PCNX2: variants seen among roughly 807,000 people sequenced by gnomAD.
PCNX2 encodes the protein pecanex 2.
A neutral mutation model predicts 223.8 loss-of-function variants in PCNX2; 168 were observed. The ratio of observed to expected loss-of-function variants is 0.75; its 90% CI spans 0.66 to 0.85. The LOEUF (loss-of-function observed/expected upper bound fraction) is 0.85. Ranked by LOEUF, PCNX2 falls within the 40% of genes least tolerant of loss-of-function variation. The pLI is 0.00. For synonymous variants in PCNX2, 1,006 were observed against 1,052.6 expected (o/e 0.96, Z 0.86); for missense variants, 2,507 against 2,675.5 (o/e 0.94, Z 1.39).
the PCNX2 span, among the ~76,000 whole-genome samples, chr1:233,314,465 A>G: frequency 6.6e-6 from 1 of 152,230 alleles, no homozygotes; most frequent in Non-Finnish European, 1.5e-5. Context: ...GAACACACAT[A>G]CAAGTTTTTC....
intron 28 of PCNX2, among the ~76,000 whole-genome samples, chr1:233,006,393 C>A (rs1670286522): frequency 6.6e-6 from 1 of 152,030 alleles, no homozygotes; most frequent in Non-Finnish European, 1.5e-5. Context: ...GGCCTCAGTG[C>A]AAAGCACAAT....
chr1:233,285,600 G>A (rs1317261068), intron 1 of PCNX2, among the ~76,000 whole-genome samples: 43 of 152,180 alleles, frequency 2.8e-4, no homozygotes, highest in Admixed American at 2.8e-3. Flanking sequence ...GCTTGAACCT[G>A]CGAGGCAGAG....
chr1:233,285,193 A>G (rs963832888), intron 1 of PCNX2: 3 of 168,652 alleles, frequency 1.8e-5, no homozygotes, highest in African/African-American at 7.2e-5. Context: ...TCTCTACAAA[A>G]AATAAGAAAT....
intron 25 of PCNX2, among the ~76,000 whole-genome samples, chr1:233,048,207 A>C (rs1671882975): frequency 6.6e-6 from 1 of 152,268 alleles, no homozygotes; most frequent in African/African-American, 2.4e-5. Context: ...CTGGAATCCC[A>C]GCACTTTGGG....
intron 21 of PCNX2, among the ~76,000 whole-genome samples, chr1:233,105,185 A>G (rs1316013409): frequency 6.6e-6 from 1 of 152,212 alleles, no homozygotes; most frequent in Non-Finnish European, 1.5e-5. Context: ...TTACAAAATG[A>G]ATCTATAAAT....
chr1:233,134,149 G>T (rs1046214300), intron 21 of PCNX2, among the ~76,000 whole-genome samples: 1 of 152,184 alleles, frequency 6.6e-6, no homozygotes, highest in African/African-American at 2.4e-5. Flanking sequence ...GTCTCCAGAA[G>T]AAACCCCGTG....
chr1:233,115,366 T>C (rs76357340), intron 21 of PCNX2, among the ~76,000 whole-genome samples: 4,844 of 151,908 alleles, frequency 0.032, 234 homozygotes, highest in African/African-American at 0.11. Flanking sequence ...CTACAAGACA[T>C]AAACCGTTTC....
chr1:233,264,838 G>A (rs1339438932), intron 1 of PCNX2, among the ~76,000 whole-genome samples: 1 of 152,116 alleles, frequency 6.6e-6, no homozygotes, highest in African/African-American at 2.4e-5. Context: ...ACTACTAATA[G>A]TTTTGGGTTT....
At chr1:233,211,378 T>G (rs1334693808) in intron 12 of PCNX2, among the ~76,000 whole-genome samples, 1 of 151,880 alleles carries the variant, frequency 6.6e-6, no homozygotes, top group Non-Finnish European at 1.5e-5. Flanking sequence ...TCACCCAGGC[T>G]AGAGTGCAGT....
intron 15 of PCNX2, among the ~76,000 whole-genome samples, chr1:233,188,024 G>A (rs572105579): frequency 5.3e-5 from 8 of 152,166 alleles, no homozygotes; most frequent in Non-Finnish European, 7.4e-5. Flanking sequence ...AATAGTTATC[G>A]TTGGTATTAG....
At chr1:233,154,001 A>G (rs1019815058) in intron 19 of PCNX2, among the ~76,000 whole-genome samples, 4 of 152,248 alleles carry the variant, frequency 2.6e-5, no homozygotes, top group African/African-American at 9.6e-5. Context: ...TTTGGGACCC[A>G]TTAGTGAATG....
intron 1 of PCNX2, among the ~76,000 whole-genome samples, chr1:233,266,655 C>G (rs780440431): frequency 1.6e-4 from 25 of 152,112 alleles, no homozygotes; most frequent in Non-Finnish European, 2.4e-4. Flanking sequence ...CTAAATTTTC[C>G]CCTTGATGTA....
intron 21 of PCNX2, among the ~76,000 whole-genome samples, chr1:233,117,694 C>T (rs1675496514): frequency 6.6e-6 from 1 of 150,484 alleles, no homozygotes; most frequent in African/African-American, 2.4e-5. Context: ...AAGATATTAA[C>T]AAATAGCATT....
chr1:233,116,627 A>G (rs1240379118), intron 21 of PCNX2, among the ~76,000 whole-genome samples: 1 of 152,178 alleles, frequency 6.6e-6, no homozygotes, highest in Non-Finnish European at 1.5e-5. Flanking sequence ...ATAACACTTC[A>G]AAATTTGTGG....
rs899659187 is a variant in PCNX2 at position 233,000,714 on chromosome 1, C to A, written c.5098-179G>T. ...CAGAGGACACCTCTTTATCTCATTG[C>A]CCTAACCAATGGAATGTGCCTAGAA... On this transcript the variant is annotated intron_variant, in intron 29 of 33. Coordinates refer to ENST00000258229, the MANE Select transcript of PCNX2 (RefSeq NM_014801.4). This position sits in a 1 kb window ranked among gnomAD's most constrained non-coding sequence, Gnocchi z 4.6. Among the ~76,000 whole-genome samples the A allele has an allele frequency of 6.6e-6, 1 of 152,200 alleles. No homozygotes were observed. The highest frequency in any genetic ancestry group is 2.4e-5 in the African/African-American group (1 of 41,450).
intron 1 of PCNX2, among the ~76,000 whole-genome samples, chr1:233,281,268 T>C (rs923732695): frequency 4.6e-5 from 7 of 152,186 alleles, no homozygotes; most frequent in Admixed American, 3.9e-4. Flanking sequence ...AAAACAGAAA[T>C]AACAAAAGAC....
intron 25 of PCNX2, among the ~76,000 whole-genome samples, chr1:233,043,176 C>T (rs188302577): frequency 1.3e-5 from 2 of 152,298 alleles, no homozygotes; most frequent in East Asian, 1.9e-4. Flanking sequence ...CATTTTTCTC[C>T]TCTTCTCATA....
Position 232,986,233 on chromosome 1 carries a change from G to T in PCNX2, c.6099C>A (p.Phe2033Leu). The T allele has an allele frequency of 6.4e-7, 1 of 1,559,914 alleles. No individual in the cohort carries two copies. Among genetic ancestry groups the T allele is most frequent in the East Asian group, 2.4e-5 (1 of 41,672 alleles). The change falls in exon 33 of 34, where the codon TTC becomes TTA. Residue 2033 changes from phenylalanine to leucine, a missense_variant. By Grantham distance (22) the Phe-to-Leu change is conservative (BLOSUM62 0). This residue lies in a region of PCNX2 where 1,372 missense variants were observed against 1,509.4 expected (regional missense o/e 0.91). Coordinates refer to ENST00000258229, the MANE Select transcript of PCNX2 (RefSeq NM_014801.4). The stretch of plus-strand genomic sequence containing the variant: ...GCGCGCTGGAAAAGCTCCTCTTGCC[G>T]AAGAGGAAGCTCAGGGTGGAGCTGG... ...SSTSSTLSFL[F>L]GKRSFSSALV...
intron 19 of PCNX2, among the ~76,000 whole-genome samples, chr1:233,158,623 A>C (rs540999748): frequency 6.6e-6 from 1 of 152,354 alleles, no homozygotes; most frequent in African/African-American, 2.4e-5. Flanking sequence ...ATAGATATAG[A>C]CAAAAGTAAA....
Sources: allele counts gnomAD v4.1 joint callset (sites outside exome capture counted in the v4.1 genomes callset), GRCh38; gene constraint gnomAD v4.1.1; regional missense constraint gnomAD v4.1.1; non-coding constraint Gnocchi (gnomAD v3.1); transcripts MANE v1.5; gene names NCBI Gene and HGNC (gene_info 2026-07-23, HGNC 2026-07-21).